The following GNB4 variants were observed in gnomAD, a reference collection of about 807,000 sequenced individuals.
GNB4 encodes the protein guanine nucleotide-binding protein subunit beta-4.
Under a neutral mutation model 45.2 loss-of-function variants are expected in GNB4, and 28 were observed. That is an observed-to-expected ratio of 0.62 (90% confidence interval 0.46 to 0.85). GNB4 has a LOEUF of 0.85. Ranked by LOEUF, GNB4 falls within the 40% of genes least tolerant of loss-of-function variation. The probability of loss-of-function intolerance (pLI) is 0.00; values close to 1 mark genes in which losing one functional copy is unlikely to be tolerated. For synonymous variants in GNB4, 132 were observed against 143.7 expected (o/e 0.92, Z 0.58); for missense variants, 321 against 425.4 (o/e 0.75, Z 2.16).
chr3:179,445,915 A>T (rs902200632), intron 1 of GNB4, among the ~76,000 whole-genome samples: 2 of 152,222 alleles, frequency 1.3e-5, no homozygotes, highest in Non-Finnish European at 2.9e-5. Context: ...CCAAAAGTGG[A>T]GGAACAATTA....
intron 1 of GNB4, among the ~76,000 whole-genome samples, chr3:179,432,562 A>C (rs1211356871): frequency 6.6e-6 from 1 of 152,238 alleles, no homozygotes; most frequent in Non-Finnish European, 1.5e-5. Flanking sequence ...GGTGAAGCCT[A>C]ATATGGCAAG....
At chr3:179,498,744 G>GCT in the GNB4 span, among the ~76,000 whole-genome samples, 3 of 80,336 alleles carry the variant, frequency 3.7e-5, 1 homozygote, top group African/African-American at 5.4e-5. Context: ...GTTGGTTGAG[G>GCT]TTTGGTTTTT....
At chr3:179,491,586 T>C in the GNB4 span, among the ~76,000 whole-genome samples, 1 of 152,232 alleles carries the variant, frequency 6.6e-6, no homozygotes, top group African/African-American at 2.4e-5. Flanking sequence ...ATAGAGGCCA[T>C]ACCATCCTCT....
the GNB4 span, among the ~76,000 whole-genome samples, chr3:179,485,013 T>TG: frequency 7.7e-5 from 5 of 64,548 alleles, no homozygotes; most frequent in Admixed American, 1.6e-4. Flanking sequence ...TTGTTTTTTT[T>TG]TTTTTTTTTT....
the GNB4 span, among the ~76,000 whole-genome samples, chr3:179,519,948 AT>A: frequency 1.1e-4 from 16 of 152,016 alleles, no homozygotes; most frequent in African/African-American, 3.9e-4. Flanking sequence ...CAGTTCCCCC[AT>A]TTTGTCTGTC....
chr3:179,486,282 G>A, the GNB4 span, among the ~76,000 whole-genome samples: 1 of 150,012 alleles, frequency 6.7e-6, no homozygotes, highest in African/African-American at 2.4e-5. Flanking sequence ...TCCAGTAATT[G>A]TAAATATTCT....
At position 179,419,456 on chromosome 3, in the gene GNB4, C is replaced by T. The variant is rs1714911643; in HGVS notation, c.146G>A (p.Arg49His). ...SVGRIQMRTR[R>H]TLRGHLAKIY... ...TTTAGCTAGGTGGCCCCTCAGTGTA[C>T]GTCTTGTTCGCATTTGTATTCGACC... Residue 49 changes from arginine to histidine, a missense_variant, in exon 4 of 10, where the codon CGT (arginine) becomes CAT (histidine). Physicochemically the swap from Arg to His is conservative, Grantham distance 29. Transcript: ENST00000232564. 6 of 1,613,178 alleles carry T rather than the reference C, an allele frequency of 3.7e-6. No homozygotes were observed. The highest frequency in any genetic ancestry group is 1.1e-5 in the South Asian group (1 of 91,052).
At chr3:179,458,963 AT>A in the GNB4 span, among the ~76,000 whole-genome samples, 1 of 152,198 alleles carries the variant, frequency 6.6e-6, no homozygotes, top group Non-Finnish European at 1.5e-5. Context: ...TATCTTTTAC[AT>A]TTAACATACA....
the GNB4 span, among the ~76,000 whole-genome samples, chr3:179,508,652 T>A: frequency 6.6e-6 from 1 of 152,082 alleles, no homozygotes; most frequent in Non-Finnish European, 1.5e-5. Context: ...TTAAAAAAAT[T>A]GAAATACATA....
chr3:179,471,529 G>C, the GNB4 span, among the ~76,000 whole-genome samples: 1 of 152,200 alleles, frequency 6.6e-6, no homozygotes, highest in Admixed American at 6.5e-5. Context: ...GTATAGGCTT[G>C]TAGCCTAGGA....
chr3:179,505,234 T>C, the GNB4 span, among the ~76,000 whole-genome samples: 487 of 152,276 alleles, frequency 3.2e-3, 2 homozygotes, highest in African/African-American at 0.011. Context: ...GACCCTCTCA[T>C]CGCAAAGCTC....
At chr3:179,515,258 C>T in the GNB4 span, among the ~76,000 whole-genome samples, 1 of 152,198 alleles carries the variant, frequency 6.6e-6, no homozygotes, top group Non-Finnish European at 1.5e-5. Context: ...TCACAACAAG[C>T]CTGTCTGGTA....
chr3:179,414,001 T>C (rs1218640334), intron 6 of GNB4, among the ~76,000 whole-genome samples: 2 of 152,176 alleles, frequency 1.3e-5, no homozygotes. Flanking sequence ...TTAATGACAT[T>C]GTGCTGGGTA....
At position 179,396,098 on chromosome 3, in the gene GNB4, A is replaced by G. The variant is rs1714105931; in HGVS notation, c.*5115T>C. ...AAAAATACAATGAAATCTGGTTAAAAGCACTTTATTGATTACAGTATCAAT... is the reference window on the plus strand; with the variant it reads ...AAAAATACAATGAAATCTGGTTAAAGGCACTTTATTGATTACAGTATCAAT... On this transcript the variant is annotated 3_prime_UTR_variant, in exon 10 of 10. Transcript: ENST00000232564. The G allele has an allele frequency of 6.6e-6, 1 of 152,168 alleles. No homozygotes were observed. Among genetic ancestry groups the G allele is most frequent in the Non-Finnish European group, 1.5e-5 (1 of 68,022 alleles). 9.4% of individuals were successfully genotyped at this position (152,168 alleles called of 1,614,324 possible).
the GNB4 span, among the ~76,000 whole-genome samples, chr3:179,457,404 G>A: frequency 0.018 from 2,676 of 152,214 alleles, 47 homozygotes; most frequent in South Asian, 0.051. Context: ...TGCTCATTTT[G>A]TAGTGCCTAG....
the GNB4 span, among the ~76,000 whole-genome samples, chr3:179,468,035 A>AAAAAAAATAATATAT: frequency 8.9e-5 from 8 of 89,866 alleles, 2 homozygotes; most frequent in East Asian, 2.7e-3. Flanking sequence ...TGTTGATAAA[A>AAAAAAAATAATATAT]ATATATATAT....
At chr3:179,527,786 A>ATG in the GNB4 span, among the ~76,000 whole-genome samples, 4,490 of 124,864 alleles carry the variant, frequency 0.036, 142 homozygotes, top group East Asian at 0.23. Context: ...GCGTGTGTGT[A>ATG]TGTATGTGTG....
the GNB4 span, among the ~76,000 whole-genome samples, chr3:179,499,450 C>T: frequency 6.6e-6 from 1 of 152,136 alleles, no homozygotes; most frequent in East Asian, 1.9e-4. Context: ...TGAGCCACCA[C>T]GCCTGGCCAA....
the GNB4 span, among the ~76,000 whole-genome samples, chr3:179,457,125 G>A: frequency 6.6e-6 from 1 of 152,010 alleles, no homozygotes; most frequent in South Asian, 2.1e-4. Context: ...TAAAGAACCT[G>A]CTCTTTAGAA....
Sources: allele counts gnomAD v4.1 joint callset (sites outside exome capture counted in the v4.1 genomes callset), GRCh38; gene constraint gnomAD v4.1.1; transcripts MANE v1.5; gene names NCBI Gene and HGNC (gene_info 2026-07-23, HGNC 2026-07-21).